PLEKHA6: variants seen among roughly 807,000 people sequenced by gnomAD.
The protein encoded by PLEKHA6 is pleckstrin homology domain-containing family A member 6.
PLEKHA6 carries 60 observed loss-of-function variants against 116.7 expected under a neutral mutation model. The observed-to-expected ratio is 0.51, with a 90% confidence interval of 0.42 to 0.64. The LOEUF (loss-of-function observed/expected upper bound fraction) is 0.64, where lower values mean the gene tolerates loss of function less well. Among genes scored for constraint, PLEKHA6 ranks in the 30% least tolerant of loss-of-function variants. PLEKHA6 has a pLI of 0.00. For synonymous variants in PLEKHA6, 489 were observed against 556.1 expected (o/e 0.88, Z 1.70); for missense variants, 1,338 against 1,422.7 (o/e 0.94, Z 0.96).
intron 13 of PLEKHA6, 150 bp from the exon 14 acceptor site, chr1:204,245,876 A>G: frequency 4.6e-6 from 2 of 436,064 alleles, no homozygotes; most frequent in Non-Finnish European, 8.1e-6. Flanking sequence ...ACACACACAC[A>G]CATGCCCCTC....
intron 1 of PLEKHA6, among the ~76,000 whole-genome samples, chr1:204,292,937 G>A (rs533828720): frequency 2.0e-4 from 30 of 152,236 alleles, no homozygotes; most frequent in African/African-American, 7.0e-4. Context: ...CCAGACACAC[G>A]GCTGCGTTCC....
upstream of PLEKHA6, among the ~76,000 whole-genome samples, chr1:204,363,142 C>T (rs1457002775): frequency 1.3e-5 from 2 of 152,224 alleles, no homozygotes; most frequent in South Asian, 4.1e-4. Context: ...GTGGCTCCCC[C>T]GCCCCTCCCA....
At position 204,261,158 on chromosome 1, in the gene PLEKHA6, C is replaced by A; in HGVS notation, c.524+148G>T. On this transcript the variant is annotated intron_variant, in intron 7 of 22. Transcript: ENST00000272203. This position sits in a 1 kb window ranked among gnomAD's most constrained non-coding sequence, Gnocchi z 4.0. ...AGGCTCTGAAATCACTCAGCCAGGC[C>A]TCCCGCCTGGATGCAAGGAGACGGC... 1 of 907,420 alleles carries A rather than the reference C, an allele frequency of 1.1e-6. No homozygotes were observed. Among genetic ancestry groups the A allele is most frequent in the South Asian group, 1.5e-5 (1 of 65,188 alleles). The allele number at this position is 907,420 out of a possible 1,614,324, so 56.2% of individuals were successfully genotyped here.
At chr1:204,296,402 G>C (rs1407444294) in intron 1 of PLEKHA6, among the ~76,000 whole-genome samples, 1 of 152,036 alleles carries the variant, frequency 6.6e-6, no homozygotes, top group Non-Finnish European at 1.5e-5. Context: ...CAACACATGT[G>C]ATGGGCATTT....
intron 1 of PLEKHA6, among the ~76,000 whole-genome samples, chr1:204,310,957 T>G (rs145760381): frequency 6.6e-6 from 1 of 152,248 alleles, no homozygotes; most frequent in East Asian, 1.9e-4. Context: ...AATTCCAATC[T>G]CTAGTGCATT....
intron 1 of PLEKHA6, among the ~76,000 whole-genome samples, chr1:204,346,410 C>T (rs371263196): frequency 0.086 from 2,565 of 29,976 alleles, 63 homozygotes; most frequent in African/African-American, 0.15. Flanking sequence ...GGTCTGGGCA[C>T]CTGAGGGTGG....
At chr1:204,359,247 C>A (rs1282715801) in intron 1 of PLEKHA6, among the ~76,000 whole-genome samples, 1 of 152,096 alleles carries the variant, frequency 6.6e-6, no homozygotes, top group East Asian at 1.9e-4. Context: ...GACCCCTCCC[C>A]ACGCTGAGGA....
intron 2 of PLEKHA6, among the ~76,000 whole-genome samples, chr1:204,371,187 A>T (rs903564534): frequency 1.3e-5 from 2 of 152,148 alleles, no homozygotes; most frequent in Non-Finnish European, 2.9e-5. Context: ...ACGACATAAA[A>T]GTTCTAGAGC....
intron 1 of PLEKHA6, among the ~76,000 whole-genome samples, chr1:204,284,488 G>T (rs1343267738): frequency 6.6e-6 from 1 of 152,144 alleles, no homozygotes; most frequent in African/African-American, 2.4e-5. Context: ...GACTCTGAGG[G>T]CAAAGCGATA....
At chr1:204,348,818 T>C (rs1410245589) in intron 1 of PLEKHA6, among the ~76,000 whole-genome samples, 2 of 149,854 alleles carry the variant, frequency 1.3e-5, no homozygotes, top group Non-Finnish European at 3.0e-5. Flanking sequence ...AGATGGGAGA[T>C]AGACAATGAG....
chr1:204,231,127 A>AG (rs1448908343), intron 17 of PLEKHA6, among the ~76,000 whole-genome samples: 1 of 152,196 alleles, frequency 6.6e-6, no homozygotes, highest in African/African-American at 2.4e-5. Flanking sequence ...GATACTGGGA[A>AG]GGGGTTGCTG....
At chr1:204,326,611 C>G (rs112722632) in intron 1 of PLEKHA6, among the ~76,000 whole-genome samples, 6,702 of 152,288 alleles carry the variant, frequency 0.044, 155 homozygotes, top group African/African-American at 0.048. Flanking sequence ...GGTGATAGAT[C>G]ATTGAGCCTT....
intron 1 of PLEKHA6, among the ~76,000 whole-genome samples, chr1:204,316,407 G>A (rs973773705): frequency 3.9e-5 from 6 of 152,286 alleles, no homozygotes; most frequent in South Asian, 2.1e-4. Flanking sequence ...GCTGCAGGCC[G>A]CTCAGAATAG....
At chr1:204,281,316 G>A (rs1234350915) in intron 1 of PLEKHA6, among the ~76,000 whole-genome samples, 1 of 152,146 alleles carries the variant, frequency 6.6e-6, no homozygotes, top group African/African-American at 2.4e-5. Flanking sequence ...ACGAGGTCAG[G>A]AGATCAAGAC....
rs114443324 is a variant in PLEKHA6, at chr1:204,314,500, C to T, written c.-94-39691G>A. 5.7e-3 allele frequency among the ~76,000 whole-genome samples: 872 copies of T among 152,314 alleles called. 7 individuals are homozygous for T. Among genetic ancestry groups the T allele is most frequent in the African/African-American group, 0.02 (812 of 41,560 alleles). ...CCTGGAACGACAAGACTGATCCTAA[C>T]TGGCCACCACTCCCCCTGGCCTGGG... is the stretch of plus-strand genomic sequence containing the variant. On this transcript the variant is annotated intron_variant, in intron 1 of 22. Coordinates refer to ENST00000272203, the MANE Select transcript of PLEKHA6 (RefSeq NM_014935.5).
At chr1:204,336,308 C>T (rs1320258917) in intron 1 of PLEKHA6, among the ~76,000 whole-genome samples, 1 of 152,252 alleles carries the variant, frequency 6.6e-6, no homozygotes, top group Non-Finnish European at 1.5e-5. Context: ...CCGCAAGTGA[C>T]AATCCAATCA....
intron 4 of PLEKHA6, 104 bp downstream of exon 4, chr1:204,268,104 G>T (rs920597698): frequency 1.6e-6 from 1 of 640,916 alleles, no homozygotes; most frequent in Non-Finnish European, 2.7e-6. Flanking sequence ...GACAGCAGGG[G>T]GACATACCAA....
chr1:204,332,431 G>T (rs1013795922), intron 1 of PLEKHA6, among the ~76,000 whole-genome samples: 1 of 152,116 alleles, frequency 6.6e-6, no homozygotes, highest in Admixed American at 6.5e-5. Context: ...GAGTGCAGTG[G>T]CACGATCCAT....
At chr1:204,281,518 C>T (rs1668610121) in intron 1 of PLEKHA6, among the ~76,000 whole-genome samples, 1 of 146,292 alleles carries the variant, frequency 6.8e-6, no homozygotes, top group Non-Finnish European at 1.5e-5. Context: ...GACAGAGATT[C>T]CGTCTCAAAA....
Sources: gnomAD v4.1 joint callset for allele counts (sites outside exome capture counted in the v4.1 genomes callset) on GRCh38, gnomAD v4.1.1 for gene constraint, Gnocchi (gnomAD v3.1) non-coding constraint, MANE v1.5 for transcripts, NCBI Gene and HGNC (gene_info 2026-07-23, HGNC 2026-07-21) for gene names.